The following WNT5B variants were observed in gnomAD, a reference collection of about 807,000 sequenced individuals.
WNT5B encodes the protein protein Wnt-5b.
Under a neutral mutation model 36.5 loss-of-function variants are expected in WNT5B, and 18 were observed. The observed-to-expected ratio is 0.49, with a 90% CI of 0.34 to 0.73. WNT5B has a LOEUF of 0.73. Among genes scored for constraint, WNT5B ranks in the 30% least tolerant of loss-of-function variants. The pLI is 0.01. For synonymous variants in WNT5B, 213 were observed against 212.3 expected (o/e 1.00, Z -0.03); for missense variants, 424 against 508.4 (o/e 0.83, Z 1.60).
At chr12:1,639,126 T>G (rs1422465567) in intron 3 of WNT5B, among the ~76,000 whole-genome samples, 2 of 151,758 alleles carry the variant, frequency 1.3e-5, no homozygotes, top group African/African-American at 4.8e-5. Context: ...CGGAGGGACT[T>G]GTTTTTTTGT....
At chr12:1,628,503 G>A (rs2094544317), upstream of WNT5B, among the ~76,000 whole-genome samples, 1 of 152,092 alleles carries the variant, frequency 6.6e-6, no homozygotes, top group Non-Finnish European at 1.5e-5. Flanking sequence ...TTAGACCCTG[G>A]GGAAATCTGT....
intron 4 of WNT5B, among the ~76,000 whole-genome samples, chr12:1,640,225 G>T (rs113825664): frequency 3.3e-5 from 5 of 151,886 alleles, no homozygotes; most frequent in African/African-American, 1.2e-4. Context: ...ATTATTTCAC[G>T]GTTCCTAGAG....
chr12:1,639,535 C>T (rs1049048038), intron 3 of WNT5B, 149 bp from the exon 4 acceptor site: 6 of 822,464 alleles, frequency 7.3e-6, no homozygotes, highest in Non-Finnish European at 1.1e-5. Flanking sequence ...GAGACGTTTC[C>T]AAGCGTTAGA....
At position 1,630,046 on chromosome 12, in the gene WNT5B, G is replaced by T. The variant is rs1303556540; in HGVS notation, c.-58+675G>T. ...AAAATCAAAAGGGGGCTTGGGGAAG[G>T]GCTGTGTCCCAGCTCTCCTGGACCC... On this transcript the variant is annotated intron_variant, in intron 1 of 4. Coordinates refer to ENST00000397196, the MANE Select transcript of WNT5B (RefSeq NM_032642.3). The surrounding 1 kb of genome is among the most constrained non-coding windows in gnomAD (Gnocchi z 5.3). 2 of 862,532 alleles carry T rather than the reference G, an allele frequency of 2.3e-6. No individual in the cohort carries two copies. The highest frequency in any genetic ancestry group is 2.8e-6 in the Non-Finnish European group (2 of 717,340). The allele number at this position is 862,532 out of a possible 1,614,324, so 53.4% of individuals were successfully genotyped here. A position where few individuals can be genotyped will look rare whatever the true frequency, so the allele number is the denominator to read the frequency against.
upstream of WNT5B, among the ~76,000 whole-genome samples, chr12:1,627,499 C>T (rs1217702088): frequency 6.6e-6 from 1 of 152,180 alleles, no homozygotes; most frequent in African/African-American, 2.4e-5. The surrounding 1 kb of genome is among the most constrained non-coding windows in gnomAD (Gnocchi z 5.0). Flanking sequence ...CACAGAGTTG[C>T]TTGGGGTCTC....
chr12:1,643,982 C>T lies in WNT5B; in HGVS notation c.622-1812C>T, dbSNP rs2094580699. On this transcript the variant is annotated intron_variant, in intron 4 of 4. Coordinates refer to ENST00000397196, the MANE Select transcript of WNT5B (RefSeq NM_032642.3). ...GGTCCTTGCCCTGCAGGGTCTTGCT[C>T]CGACTCTCCTTCCCCAACTCTGTCT... Among the ~76,000 whole-genome samples, 3 of 152,066 alleles carry T rather than the reference C, an allele frequency of 2.0e-5. 1 individual carries two copies. Among genetic ancestry groups the T allele is most frequent in the South Asian group, 4.1e-4 (2 of 4,820 alleles).
In WNT5B at chr12:1,646,429, G is replaced by A; in HGVS notation, c.*177G>A. The A allele has an allele frequency of 2.1e-6, 1 of 479,002 alleles. No homozygotes were observed. Among genetic ancestry groups the A allele is most frequent in the Non-Finnish European group, 3.2e-6 (1 of 314,142 alleles). 29.7% of individuals were successfully genotyped at this position (479,002 alleles called of 1,614,324 possible). ...AGACGCTGGAGATCTCTGAGGAGTG[G>A]ACTTTGCTGGTTCTCTCCTCTTGGT... On this transcript the variant is annotated 3_prime_UTR_variant, in exon 5 of 5. Transcript: ENST00000397196.
rs750494907 is a variant in WNT5B, at chr12:1,631,307, C to G, written c.-48C>G. 1 of 1,609,834 alleles carries G rather than the reference C, an allele frequency of 6.2e-7. No homozygotes were observed. Among genetic ancestry groups the G allele is most frequent in the East Asian group, 2.2e-5 (1 of 44,762 alleles). ...TTTCTGTTTTCTCCAGGGAACCCTA[C>G]TCTGGAAACTGTCAGTCCCAGGGCA... On this transcript the variant is annotated 5_prime_UTR_variant, in exon 2 of 5. Coordinates refer to ENST00000397196, the MANE Select transcript of WNT5B (RefSeq NM_032642.3).
chr12:1,644,558 T>C lies in WNT5B; in HGVS notation c.622-1236T>C, dbSNP rs931798635. ...ACCTGCAGTGGTCTCTGCTTAGCTC[T>C]GAATAAAGACACAATCTGGGGGCTC... On this transcript the variant is annotated intron_variant, in intron 4 of 4. Coordinates refer to ENST00000397196, the MANE Select transcript of WNT5B (RefSeq NM_032642.3). The surrounding 1 kb of genome is among the most constrained non-coding windows in gnomAD (Gnocchi z 5.1). Among the ~76,000 whole-genome samples the C allele has an allele frequency of 6.6e-6, 1 of 152,220 alleles. No individual in the cohort carries two copies. The highest frequency in any genetic ancestry group is 1.5e-5 in the Non-Finnish European group (1 of 68,042).
In WNT5B at chr12:1,646,393, G is replaced by T; in HGVS notation, c.*141G>T. The T allele has an allele frequency of 1.4e-6, 1 of 721,832 alleles. No individual in the cohort carries two copies. The highest frequency in any genetic ancestry group is 1.9e-6 in the Non-Finnish European group (1 of 517,572). 44.7% of individuals were successfully genotyped at this position (721,832 alleles called of 1,614,324 possible). A position where few individuals can be genotyped will look rare whatever the true frequency, so the allele number is the denominator to read the frequency against. ...GGAAAGATGAAAATGGAAAGGAAGAGCTTATTTAAGAGACGCTGGAGATCT... is the reference window on the plus strand; with the variant it reads ...GGAAAGATGAAAATGGAAAGGAAGATCTTATTTAAGAGACGCTGGAGATCT... On this transcript the variant is annotated 3_prime_UTR_variant, in exon 5 of 5. Coordinates refer to ENST00000397196, the MANE Select transcript of WNT5B (RefSeq NM_032642.3).
chr12:1,617,452 T>C (rs1036930675), intron 1 of WNT5B, among the ~76,000 whole-genome samples: 3 of 151,584 alleles, frequency 2.0e-5, no homozygotes, highest in Admixed American at 6.6e-5. Context: ...CTGGGCAACA[T>C]GGTGAAACTC....
intron 3 of WNT5B, among the ~76,000 whole-genome samples, chr12:1,639,351 G>T (rs2094568938): frequency 6.6e-6 from 1 of 152,142 alleles, no homozygotes; most frequent in South Asian, 2.1e-4. Context: ...TGTTGGCCAG[G>T]CTGGTCTCGA....
chr12:1,639,999 C>T, intron 4 of WNT5B, 23 bp downstream of exon 4: 1 of 1,597,008 alleles, frequency 6.3e-7, no homozygotes, highest in Non-Finnish European at 8.5e-7. Context: ...TCCCCGGCCT[C>T]CCCAGCACTG....
chr12:1,619,095 TA>T (rs2094530496), intron 1 of WNT5B, among the ~76,000 whole-genome samples: 1 of 151,398 alleles, frequency 6.6e-6, no homozygotes, highest in African/African-American at 2.4e-5. Flanking sequence ...TCATCACTCC[TA>T]CCAAGCCCCC....
chr12:1,638,064 C>T (rs142845331), intron 3 of WNT5B, among the ~76,000 whole-genome samples: 2,613 of 152,232 alleles, frequency 0.017, 34 homozygotes, highest in South Asian at 0.028. Context: ...CTGGCTAACA[C>T]GGTGAAACCC....
At chr12:1,634,988 CTGAACTGT>C (rs1307963395) in intron 3 of WNT5B, among the ~76,000 whole-genome samples, 3 of 152,294 alleles carry the variant, frequency 2.0e-5, no homozygotes, top group South Asian at 4.1e-4. Flanking sequence ...GAGATTCAAC[CTGAACTGT>C]TGCGTATATA....
chr12:1,645,925 C>T lies in WNT5B; in HGVS notation c.753C>T (p.Ser251=), dbSNP rs149693351. The T allele has an allele frequency of 7.1e-5, 115 of 1,610,060 alleles. No individual in the cohort carries two copies. Among genetic ancestry groups the T allele is most frequent in the Non-Finnish European group, 8.8e-5 (104 of 1,179,852 alleles). Residue 251 remains serine, a synonymous_variant, in exon 5 of 5, where the codon AGC becomes AGT. Coordinates refer to ENST00000397196, the MANE Select transcript of WNT5B (RefSeq NM_032642.3). ...VGDRLKEKYD[S]AAAMRVTRKG... ...ACCGGCTGAAGGAGAAGTACGACAG[C>T]GCGGCCGCCATGCGCGTCACCCGCA...
upstream of WNT5B, among the ~76,000 whole-genome samples, chr12:1,627,558 G>T (rs2094542945): frequency 6.6e-6 from 1 of 152,174 alleles, no homozygotes; most frequent in Admixed American, 6.6e-5. This position sits in a 1 kb window ranked among gnomAD's most constrained non-coding sequence, Gnocchi z 5.0. Context: ...CTCTAGGCTG[G>T]ATGGACATGG....
chr12:1,638,405 C>T (rs1267649604), intron 3 of WNT5B, among the ~76,000 whole-genome samples: 1 of 152,176 alleles, frequency 6.6e-6, no homozygotes, highest in East Asian at 1.9e-4. Context: ...CCTTAGACTG[C>T]CAGACTGTTT....
Sources: allele counts gnomAD v4.1 joint callset (sites outside exome capture counted in the v4.1 genomes callset), GRCh38; gene constraint gnomAD v4.1.1; non-coding constraint Gnocchi (gnomAD v3.1); transcripts MANE v1.5; gene names NCBI Gene and HGNC (gene_info 2026-07-23, HGNC 2026-07-21).